SEMA3E: variants seen among roughly 807,000 people sequenced by gnomAD.
SEMA3E encodes semaphorin 3E.
In SEMA3E, 49 loss-of-function variants were observed where a neutral mutation model predicts 93.6. That is an observed-to-expected ratio of 0.52 (90% CI 0.42 to 0.66). The LOEUF (loss-of-function observed/expected upper bound fraction) is 0.66, where lower values mean the gene tolerates loss of function less well. SEMA3E is among the 30% of genes least tolerant of loss of function. The pLI, the probability that SEMA3E is intolerant of heterozygous loss-of-function variation, is 0.00. For synonymous variants in SEMA3E, 363 were observed against 330.7 expected (o/e 1.10, Z -1.06); for missense variants, 906 against 964.8 (o/e 0.94, Z 0.81).
chr7:83,574,444 G>A (rs1342558515), intron 1 of SEMA3E, among the ~76,000 whole-genome samples: 1 of 137,444 alleles, frequency 7.3e-6, no homozygotes, highest in East Asian at 2.1e-4. Context: ...AAAGAGAGGA[G>A]GAGAAGTAAA....
chr7:83,390,354 G>A (rs1387764198), intron 14 of SEMA3E, among the ~76,000 whole-genome samples: 16 of 151,630 alleles, frequency 1.1e-4, no homozygotes, highest in Admixed American at 1.3e-4. Context: ...TCAAAATTGC[G>A]TATTATTCTT....
chr7:83,494,061 T>C (rs891273691), intron 1 of SEMA3E, among the ~76,000 whole-genome samples: 3 of 151,854 alleles, frequency 2.0e-5, no homozygotes, highest in African/African-American at 7.2e-5. Context: ...TTTGATTAAT[T>C]TGCCTCTTTC....
At chr7:83,632,817 T>C (rs1793813431) in intron 1 of SEMA3E, among the ~76,000 whole-genome samples, 1 of 152,208 alleles carries the variant, frequency 6.6e-6, no homozygotes, top group Non-Finnish European at 1.5e-5. Flanking sequence ...TACTTGCTCT[T>C]CACTGGACTA....
chr7:83,574,471 AG>A (rs747644905), intron 1 of SEMA3E, among the ~76,000 whole-genome samples: 2,239 of 147,168 alleles, frequency 0.015, 46 homozygotes, highest in African/African-American at 0.045. Context: ...AAAAAAAAAA[AG>A]AGAGAGAGAG....
chr7:83,494,445 A>C (rs1289076675), intron 1 of SEMA3E, among the ~76,000 whole-genome samples: 1 of 151,890 alleles, frequency 6.6e-6, no homozygotes, highest in African/African-American at 2.4e-5. Flanking sequence ...TGTGCTTATA[A>C]CTACATCCCT....
At chr7:83,401,708 T>C (rs1788237317) in intron 10 of SEMA3E, among the ~76,000 whole-genome samples, 2 of 152,070 alleles carry the variant, frequency 1.3e-5, no homozygotes, top group Admixed American at 1.3e-4. Context: ...TAAGGTTTGT[T>C]TTCACTTTGG....
chr7:83,441,569 T>C (rs1789115473), intron 4 of SEMA3E, among the ~76,000 whole-genome samples: 2 of 152,188 alleles, frequency 1.3e-5, no homozygotes, highest in East Asian at 1.9e-4. Flanking sequence ...GCTATAGTCA[T>C]ACAACATTTA....
intron 4 of SEMA3E, among the ~76,000 whole-genome samples, chr7:83,443,894 AC>A (rs1418880971): frequency 2.1e-5 from 3 of 145,806 alleles, no homozygotes; most frequent in Non-Finnish European, 4.5e-5. Context: ...AAGTTAAATA[AC>A]GTTAAGTAAA....
intron 1 of SEMA3E, among the ~76,000 whole-genome samples, chr7:83,559,411 T>C (rs533026975): frequency 1.3e-5 from 2 of 151,984 alleles, no homozygotes; most frequent in South Asian, 2.1e-4. Context: ...GGAGAAAAAA[T>C]AGTAGTGTCA....
intron 12 of SEMA3E, among the ~76,000 whole-genome samples, chr7:83,395,958 C>T (rs1788110332): frequency 6.6e-6 from 1 of 151,944 alleles, no homozygotes; most frequent in Non-Finnish European, 1.5e-5. Context: ...CCCTGTATTT[C>T]CCATGGGAGC....
chr7:83,511,260 C>T (rs1790811558), intron 1 of SEMA3E, among the ~76,000 whole-genome samples: 1 of 149,694 alleles, frequency 6.7e-6, no homozygotes, highest in Non-Finnish European at 1.5e-5. Context: ...CAAATGAATG[C>T]CTTCTTTGGG....
At chr7:83,490,430 G>T (rs933756440) in intron 1 of SEMA3E, among the ~76,000 whole-genome samples, 156 bp from the exon 2 acceptor site, 4 of 151,968 alleles carry the variant, frequency 2.6e-5, no homozygotes, top group Non-Finnish European at 5.9e-5. Flanking sequence ...ATGTGCACAA[G>T]TTAAAATATT....
intron 4 of SEMA3E, among the ~76,000 whole-genome samples, chr7:83,432,273 T>G (rs998666409): frequency 5.6e-5 from 4 of 71,282 alleles, no homozygotes; most frequent in East Asian, 4.0e-4. Context: ...CATTTGAGGG[T>G]TTTTTTTTTT....
At chr7:83,467,786 C>T (rs1195499030) in intron 3 of SEMA3E, among the ~76,000 whole-genome samples, 2 of 152,184 alleles carry the variant, frequency 1.3e-5, no homozygotes, top group Admixed American at 6.5e-5. Flanking sequence ...ATCTATTTTA[C>T]GCATCTCGGC....
chr7:83,448,447 G>A (rs577072896), intron 4 of SEMA3E, among the ~76,000 whole-genome samples: 1 of 151,800 alleles, frequency 6.6e-6, no homozygotes, highest in South Asian at 2.1e-4. Context: ...AGGAGTTCAG[G>A]GCTACAGTGA....
chr7:83,394,931 C>T (rs897790919), intron 12 of SEMA3E, among the ~76,000 whole-genome samples: 1 of 152,144 alleles, frequency 6.6e-6, no homozygotes, highest in African/African-American at 2.4e-5. Context: ...ATTGTTAAGG[C>T]TAGTGCATCC....
In SEMA3E at chr7:83,392,540, G is replaced by A. The variant is rs755986147; in HGVS notation, c.1667+15C>T. On this transcript the variant is annotated intron_variant, in intron 14 of 16. Transcript: ENST00000643230. ...CCTAAGCAAGGGAAATAGTTAATCA[G>A]GTAGCACGTCTCACCTTTTTGCATG... 1 of 1,612,510 alleles carries A rather than the reference G, an allele frequency of 6.2e-7. No homozygotes were observed. Among genetic ancestry groups the A allele is most frequent in the East Asian group, 2.2e-5 (1 of 44,816 alleles).
chr7:83,382,957 C>G (rs571125223), intron 16 of SEMA3E, among the ~76,000 whole-genome samples: 11 of 151,764 alleles, frequency 7.2e-5, no homozygotes, highest in Admixed American at 2.0e-4. Context: ...AAACTTTATC[C>G]ACATGAATAT....
In SEMA3E at chr7:83,639,927, G is replaced by A. The variant is rs538308511; in HGVS notation, c.115+8501C>T. On this transcript the variant is annotated intron_variant, in intron 1 of 16. Coordinates refer to ENST00000643230, the MANE Select transcript of SEMA3E (RefSeq NM_012431.3). The stretch of plus-strand genomic sequence containing the variant: ...GCCCTACATTTCTATACTTGGAAAG[G>A]ACCTGAAGTTCATAATAAACTTTGT... Among the ~76,000 whole-genome samples, 6 of 152,028 alleles carry A rather than the reference G, an allele frequency of 3.9e-5. No individual in the cohort carries two copies. The South Asian group carries it at 1.3e-3, about 32-fold the overall frequency.
Sources: gnomAD v4.1 joint callset for allele counts (sites outside exome capture counted in the v4.1 genomes callset) on GRCh38, gnomAD v4.1.1 for gene constraint, MANE v1.5 for transcripts, NCBI Gene and HGNC (gene_info 2026-07-23, HGNC 2026-07-21) for gene names.